Variants in PCP4 observed in about 807,000 individuals in gnomAD.
PCP4 encodes Purkinje cell protein 4.
PCP4 carries 8 observed loss-of-function variants against 10.0 expected under a neutral mutation model. That is an observed-to-expected ratio of 0.80 (90% confidence interval 0.47 to 1.45). PCP4 has a LOEUF of 1.45. Among genes scored for constraint, PCP4 ranks in the 40% most tolerant of loss-of-function variants. The pLI is 0.00. For synonymous variants in PCP4, 21 were observed against 23.0 expected, an observed-to-expected ratio of 0.91 and a Z score of 0.24; for missense variants, 54 against 74.4, an observed-to-expected ratio of 0.73 and a Z score of 1.01.
intron 2 of PCP4, among the ~76,000 whole-genome samples, chr21:39,910,634 T>C (rs1286854267): frequency 6.6e-6 from 1 of 152,226 alleles, no homozygotes; most frequent in Non-Finnish European, 1.5e-5. Context: ...AATTGTTTCA[T>C]AGAACTTTCA....
At chr21:39,897,261 G>A (rs1402258858) in intron 1 of PCP4, among the ~76,000 whole-genome samples, 2 of 151,890 alleles carry the variant, frequency 1.3e-5, no homozygotes, top group African/African-American at 4.8e-5. Context: ...GGTGGCATGT[G>A]CCTGTAATCC....
chr21:39,897,820 A>T (rs1014442321), intron 1 of PCP4, among the ~76,000 whole-genome samples: 1 of 151,984 alleles, frequency 6.6e-6, no homozygotes, highest in Non-Finnish European at 1.5e-5. Flanking sequence ...GCTGAGGTGG[A>T]TGGATTATGA....
chr21:39,929,274 G>C lies in PCP4; in HGVS notation c.*163G>C. The C allele has an allele frequency of 3.5e-6, 2 of 572,100 alleles. No individual in the cohort carries two copies. Among genetic ancestry groups the C allele is most frequent in the Admixed American group, 3.4e-5 (1 of 29,048 alleles). The allele number at this position is 572,100 out of a possible 1,614,324, so 35.4% of individuals were successfully genotyped here. On this transcript the variant is annotated 3_prime_UTR_variant, in exon 3 of 3. Transcript: ENST00000328619. ...AGAAACCTGTGATATTTATACCCTT[G>C]TAGGAAGGTATAGACAATGGAATTG...
At chr21:39,881,429 C>G (rs1568851092) in intron 1 of PCP4, among the ~76,000 whole-genome samples, 1 of 152,120 alleles carries the variant, frequency 6.6e-6, no homozygotes. Flanking sequence ...GCATGGGGGT[C>G]TAGGAAGCCA....
At chr21:39,882,452 G>A (rs952220226) in intron 1 of PCP4, among the ~76,000 whole-genome samples, 1 of 152,172 alleles carries the variant, frequency 6.6e-6, no homozygotes, top group African/African-American at 2.4e-5. Context: ...CAGCTGTACT[G>A]GGGAGGACTG....
chr21:39,876,604 C>T (rs964634031), intron 1 of PCP4, among the ~76,000 whole-genome samples: 4 of 152,192 alleles, frequency 2.6e-5, no homozygotes, highest in Non-Finnish European at 5.9e-5. Flanking sequence ...CTGGGACAAT[C>T]TCCCATTGTG....
In PCP4 at chr21:39,867,529, T is replaced by C. The variant is rs775068808; in HGVS notation, c.9+19T>C. 5.6e-6 allele frequency: 9 copies of C among 1,613,566 alleles called. No individual in the cohort carries two copies. In the East Asian group the frequency reaches 1.8e-4, roughly 32 times the overall value. On this transcript the variant is annotated intron_variant, in intron 1 of 2. Transcript: ENST00000328619. ...GAGTGAGGTGAGTGATGCTTCGACC[T>C]GGAGAGGGAAACTTAGGAGTGAGAA...
chr21:39,920,607 TGA>T (rs1488194617), intron 2 of PCP4, among the ~76,000 whole-genome samples: 1 of 152,172 alleles, frequency 6.6e-6, no homozygotes, highest in African/African-American at 2.4e-5. Context: ...CAAACAGATT[TGA>T]GAGTTTCCTT....
chr21:39,896,101 G>A (rs1374288248), intron 1 of PCP4, among the ~76,000 whole-genome samples: 1 of 152,032 alleles, frequency 6.6e-6, no homozygotes, highest in African/African-American at 2.4e-5. Context: ...TTTCTCCCCT[G>A]TGCACATTTC....
intron 2 of PCP4, among the ~76,000 whole-genome samples, chr21:39,920,375 G>A (rs1431977060): frequency 6.7e-6 from 1 of 149,396 alleles, no homozygotes; most frequent in Admixed American, 6.7e-5. Flanking sequence ...TATGATGTGT[G>A]TTTGGTGTGG....
intron 2 of PCP4, among the ~76,000 whole-genome samples, chr21:39,921,054 T>G (rs768573723): frequency 2.0e-5 from 3 of 152,240 alleles, no homozygotes; most frequent in African/African-American, 4.8e-5. Context: ...GGACTAGGTT[T>G]GTTCTCTGCT....
At chr21:39,892,473 C>T (rs2087437403) in intron 1 of PCP4, among the ~76,000 whole-genome samples, 1 of 151,886 alleles carries the variant, frequency 6.6e-6, no homozygotes, top group African/African-American at 2.4e-5. Context: ...AGTCTTCTCC[C>T]TAGAGCCTCT....
intron 1 of PCP4, among the ~76,000 whole-genome samples, chr21:39,895,225 A>G (rs895422199): frequency 2.0e-5 from 3 of 152,130 alleles, no homozygotes; most frequent in Admixed American, 6.5e-5. Flanking sequence ...TCAACTACTC[A>G]TCCATTCATC....
chr21:39,886,179 G>C (rs564527643), intron 1 of PCP4, among the ~76,000 whole-genome samples: 10 of 152,152 alleles, frequency 6.6e-5, no homozygotes, highest in Non-Finnish European at 1.0e-4. Context: ...GCTTCCTCAT[G>C]TGAATTGTGG....
chr21:39,893,483 C>T (rs907108273), intron 1 of PCP4, among the ~76,000 whole-genome samples: 9 of 152,204 alleles, frequency 5.9e-5, no homozygotes, highest in South Asian at 2.1e-4. Context: ...ATGGAAACCT[C>T]GCTTTCTGAA....
At chr21:39,869,285 C>T (rs1226426753) in intron 1 of PCP4, among the ~76,000 whole-genome samples, 1 of 152,154 alleles carries the variant, frequency 6.6e-6, no homozygotes, top group East Asian at 1.9e-4. Context: ...GCTGGGCTCA[C>T]TCAACTGTGC....
rs201770920 is a variant in PCP4, at chr21:39,929,122, C to A, written c.*11C>A. The A allele has an allele frequency of 1.2e-4, 197 of 1,602,624 alleles. 1 individual carries two copies. The highest frequency in any genetic ancestry group is 8.6e-5 in the Admixed American group (5 of 58,054). ...GGGTCTCAGTCCTAGTGGGAGAACC[C>A]CCTCCTAGTCCACCTGAAAACACCA... On this transcript the variant is annotated 3_prime_UTR_variant, in exon 3 of 3. Coordinates refer to ENST00000328619, the MANE Select transcript of PCP4 (RefSeq NM_006198.3).
At chr21:39,910,137 G>A (rs1417609209) in intron 2 of PCP4, among the ~76,000 whole-genome samples, 5 of 152,114 alleles carry the variant, frequency 3.3e-5, no homozygotes, top group Non-Finnish European at 2.9e-5. Flanking sequence ...ATTGGAAATC[G>A]AATCATGCTC....
At chr21:39,915,553 A>G (rs1280512410) in intron 2 of PCP4, among the ~76,000 whole-genome samples, 1 of 152,244 alleles carries the variant, frequency 6.6e-6, no homozygotes, top group Non-Finnish European at 1.5e-5. Context: ...TTCTGGAGGT[A>G]GATGGTCAAG....
Sources: gnomAD v4.1 joint callset for allele counts (sites outside exome capture counted in the v4.1 genomes callset) on GRCh38, gnomAD v4.1.1 for gene constraint, MANE v1.5 for transcripts, NCBI Gene and HGNC (gene_info 2026-07-23, HGNC 2026-07-21) for gene names.